STK24: variants seen among roughly 807,000 people sequenced by gnomAD.
The protein encoded by STK24 is serine/threonine kinase 24, also known as serine/threonine-protein kinase 24.
Under a neutral mutation model 55.6 loss-of-function variants are expected in STK24, and 21 were observed. The ratio of observed to expected loss-of-function variants is 0.38; its 90% CI spans 0.27 to 0.54. The LOEUF (loss-of-function observed/expected upper bound fraction) is 0.54. Among genes scored for constraint, STK24 ranks in the 20% least tolerant of loss-of-function variants. The pLI, the probability that STK24 is intolerant of heterozygous loss-of-function variation, is 0.79. For synonymous variants in STK24, 200 were observed against 215.2 expected (o/e 0.93, Z 0.62); for missense variants, 383 against 538.4 (o/e 0.71, Z 2.86).
chr13:98,462,107 T>C (rs1893733133), intron 7 of STK24, among the ~76,000 whole-genome samples: 2 of 151,644 alleles, frequency 1.3e-5, no homozygotes, highest in South Asian at 4.2e-4. Flanking sequence ...CGGGAGGTGG[T>C]TCCACAACTC....
chr13:98,479,485 A>G (rs1594594372), intron 3 of STK24, among the ~76,000 whole-genome samples: 1 of 152,096 alleles, frequency 6.6e-6, no homozygotes, highest in Non-Finnish European at 1.5e-5. Context: ...TAAGGGATGC[A>G]CCCCTGCCAG....
rs765585136 is a variant in STK24, at chr13:98,460,454, GA to G, written c.1054-15del. On this transcript the variant is annotated splice_polypyrimidine_tract_variant and intron_variant, in intron 8 of 10. Transcript: ENST00000539966. ...GATGTCTTTCATCTTGGGGGAGAGG[GA>G]AAAAAAGGTCATCAGAAACAGTTGA... 9 of 1,598,892 alleles carry G rather than the reference GA, an allele frequency of 5.6e-6. No homozygotes were observed. Among genetic ancestry groups the G allele is most frequent in the Admixed American group, 1.7e-5 (1 of 58,830 alleles).
In STK24 at chr13:98,532,005, G is replaced by A. The variant is rs569365252; in HGVS notation, c.43-12532C>T. Among the ~76,000 whole-genome samples, 132 of 152,268 alleles carry A rather than the reference G, an allele frequency of 8.7e-4. No homozygotes were observed. In the Middle Eastern group the frequency reaches 0.027, roughly 32 times the overall value. ...ATGTGGGTAGCTCCCTAAACAGCTC[G>A]ATGTCCCAGCTTCAGCCTGGACCGA... On this transcript the variant is annotated intron_variant, in intron 1 of 10. Coordinates refer to ENST00000539966, the MANE Select transcript of STK24 (RefSeq NM_001032296.4).
At chr13:98,567,343 ACG>A (rs1897612067) in intron 1 of STK24, among the ~76,000 whole-genome samples, 1 of 149,882 alleles carries the variant, frequency 6.7e-6, no homozygotes, top group Non-Finnish European at 1.5e-5. Context: ...ACCGACCACC[ACG>A]GAACATACGA....
At chr13:98,521,916 C>A (rs2139386643) in intron 1 of STK24, 1 of 1,030,450 alleles carries the variant, frequency 9.7e-7, no homozygotes, top group South Asian at 1.3e-5. Flanking sequence ...TCCATTCACC[C>A]CTCTCTGCTG....
intron 1 of STK24, among the ~76,000 whole-genome samples, chr13:98,522,861 T>C (rs1028293599): frequency 1.3e-5 from 2 of 152,100 alleles, no homozygotes; most frequent in Admixed American, 1.3e-4. Context: ...TCAAAGCCTA[T>C]CCTACACACA....
chr13:98,564,901 C>A (rs1323471700), intron 1 of STK24, among the ~76,000 whole-genome samples: 1 of 152,088 alleles, frequency 6.6e-6, no homozygotes, highest in Non-Finnish European at 1.5e-5. Context: ...GTTCCAAGGT[C>A]AAAAAGACAT....
At position 98,533,814 on chromosome 13, in the gene STK24, G is replaced by C. The variant is rs945145804; in HGVS notation, c.43-14341C>G. On this transcript the variant is annotated intron_variant, in intron 1 of 10. Transcript: ENST00000539966. Reference sequence around the variant, plus strand: ...ACCACCACCTGCTCTGTTACCTTAGGAAACCACTGTTTGAAGCTCCGCAAG... The same window carrying C: ...ACCACCACCTGCTCTGTTACCTTAGCAAACCACTGTTTGAAGCTCCGCAAG... 4.1e-4 allele frequency among the ~76,000 whole-genome samples: 62 copies of C among 151,872 alleles called. 3 individuals carry two copies. The highest frequency in any genetic ancestry group is 2.9e-5 in the Non-Finnish European group (2 of 67,952).
intron 1 of STK24, among the ~76,000 whole-genome samples, chr13:98,572,174 C>A (rs1006808218): frequency 6.6e-5 from 10 of 152,196 alleles, no homozygotes; most frequent in Non-Finnish European, 1.5e-5. Context: ...AGGCAGCCGA[C>A]CTCTTGAGGA....
intron 1 of STK24, among the ~76,000 whole-genome samples, chr13:98,538,388 C>T (rs564918064): frequency 6.6e-6 from 1 of 152,160 alleles, no homozygotes; most frequent in East Asian, 1.9e-4. Context: ...CCACACACAG[C>T]TAATTTCTGT....
In STK24 at chr13:98,493,542, T is replaced by C. The variant is rs551219231; in HGVS notation, c.274-11221A>G. Among the ~76,000 whole-genome samples, 5 of 152,234 alleles carry C rather than the reference T, an allele frequency of 3.3e-5. No homozygotes were observed. The East Asian group carries it at 7.7e-4, about 24-fold the overall frequency. On this transcript the variant is annotated intron_variant, in intron 2 of 10. Transcript: ENST00000539966. ...ATTAAAGAGCAAACATCACAGTAAA[T>C]GATCATCAACTGCCAAGTCAGATAA...
chr13:98,490,868 G>A (rs1265812669), intron 2 of STK24, among the ~76,000 whole-genome samples: 1 of 151,574 alleles, frequency 6.6e-6, no homozygotes, highest in Non-Finnish European at 1.5e-5. Context: ...AGTTTCTGTA[G>A]CAAATCATGT....
At chr13:98,506,896 A>T (rs763223026) in intron 2 of STK24, among the ~76,000 whole-genome samples, 8 of 152,258 alleles carry the variant, frequency 5.3e-5, no homozygotes, top group Non-Finnish European at 1.0e-4. Context: ...GGCAAGTGTG[A>T]AACGGTGACC....
intron 2 of STK24, among the ~76,000 whole-genome samples, chr13:98,501,334 C>G (rs1030535843): frequency 1.3e-5 from 2 of 152,156 alleles, no homozygotes; most frequent in African/African-American, 4.8e-5. Context: ...TGTGCAAGGC[C>G]CAATCCTCCT....
intron 2 of STK24, among the ~76,000 whole-genome samples, chr13:98,491,517 C>G (rs547808262): frequency 3.0e-4 from 45 of 152,108 alleles, no homozygotes; most frequent in African/African-American, 1.1e-3. Flanking sequence ...AGGAACAAAA[C>G]GAAGCAACTG....
Position 98,448,525 on chromosome 13 carries a change from G to A in STK24, c.*4648C>T. 5 of 567,858 alleles carry A rather than the reference G, an allele frequency of 8.8e-6. No homozygotes were observed. Among genetic ancestry groups the A allele is most frequent in the East Asian group, 3.0e-5 (1 of 33,498 alleles). 35.2% of individuals were successfully genotyped at this position (567,858 alleles called of 1,614,324 possible). On this transcript the variant is annotated 3_prime_UTR_variant, in exon 11 of 11. Transcript: ENST00000539966. ...GCTCCCACCTCCAGTCCTGGCATCC[G>A]CTGGGGGCGCTGTTCTTTAGCTAGT... is the stretch of plus-strand genomic sequence containing the variant.
rs568885859 is a variant in STK24, at chr13:98,446,658, C to T, written c.*6515G>A. 58 of 1,613,876 alleles carry T rather than the reference C, an allele frequency of 3.6e-5. No homozygotes were observed. In the East Asian group the frequency reaches 1.1e-3, roughly 31 times the overall value. On this transcript the variant is annotated 3_prime_UTR_variant, in exon 11 of 11. Coordinates refer to ENST00000539966, the MANE Select transcript of STK24 (RefSeq NM_001032296.4). Reference sequence around the variant, plus strand: ...GAAAAGCCACTTTGCTTTGTTTCCCCTTTCCAGGACAATCATCCCCTTGCC... The same window carrying T: ...GAAAAGCCACTTTGCTTTGTTTCCCTTTTCCAGGACAATCATCCCCTTGCC...
At chr13:98,541,670 T>A (rs909599320) in intron 1 of STK24, among the ~76,000 whole-genome samples, 1 of 152,206 alleles carries the variant, frequency 6.6e-6, no homozygotes, top group Non-Finnish European at 1.5e-5. Context: ...AATCCCCATC[T>A]CTTCAAAGAT....
chr13:98,569,667 T>C (rs1256859093), intron 1 of STK24, among the ~76,000 whole-genome samples: 1 of 151,942 alleles, frequency 6.6e-6, no homozygotes, highest in Admixed American at 6.6e-5. Flanking sequence ...GGTTGAGTAA[T>C]AATGGCTGGG....
Sources: allele counts gnomAD v4.1 joint callset (sites outside exome capture counted in the v4.1 genomes callset), GRCh38; gene constraint gnomAD v4.1.1; transcripts MANE v1.5; gene names NCBI Gene and HGNC (gene_info 2026-07-23, HGNC 2026-07-21).